Variants in SLC71A1 observed in about 807,000 individuals in gnomAD.
SLC71A1 encodes solute carrier family 71 member 1, also known as hippocampus abundant gene transcript 1.
the SLC71A1 span, chr1:100,061,989 AATGCCTTGTTTTTAAGATAAATATTATT>A: frequency 8.5e-7 from 1 of 1,171,092 alleles, no homozygotes; most frequent in African/African-American, 1.5e-5. Context: ...TCTGCTGAGA[AATGCCTTGTTTTTAAGATAAATATTATT>A]ATAAGGAGTG....
the SLC71A1 span, among the ~76,000 whole-genome samples, chr1:100,054,511 G>A: frequency 6.6e-6 from 1 of 151,698 alleles, no homozygotes; most frequent in Non-Finnish European, 1.5e-5. Flanking sequence ...GTTCCTGGCC[G>A]GCTTTACCCT....
the SLC71A1 span, among the ~76,000 whole-genome samples, chr1:100,068,939 C>T: frequency 6.6e-6 from 1 of 152,034 alleles, no homozygotes. Context: ...GCCAAGATTG[C>T]GCCATTCACT....
the SLC71A1 span, among the ~76,000 whole-genome samples, chr1:100,063,769 A>T: frequency 2.6e-5 from 4 of 152,152 alleles, no homozygotes; most frequent in Admixed American, 2.6e-4. Context: ...GCGCTCCAAC[A>T]TGAGCCACAG....
the SLC71A1 span, among the ~76,000 whole-genome samples, chr1:100,049,240 T>C: frequency 1.3e-5 from 2 of 152,192 alleles, no homozygotes; most frequent in African/African-American, 2.4e-5. Flanking sequence ...CCAAATCTCT[T>C]ACATACTTTC....
chr1:100,058,808 T>C, the SLC71A1 span: 5 of 683,406 alleles, frequency 7.3e-6, no homozygotes, highest in East Asian at 1.1e-4. Context: ...CATAAATACA[T>C]ATATATAACT....
the SLC71A1 span, among the ~76,000 whole-genome samples, chr1:100,048,106 C>G: frequency 6.6e-6 from 1 of 151,924 alleles, no homozygotes; most frequent in Non-Finnish European, 1.5e-5. Context: ...GAAGTTGTAC[C>G]AAGCTTTCTG....
chr1:100,075,710 T>C, the SLC71A1 span, among the ~76,000 whole-genome samples: 2 of 152,100 alleles, frequency 1.3e-5, no homozygotes, highest in Admixed American at 6.6e-5. Flanking sequence ...CTTGAGATGG[T>C]CTCTGTCACC....
chr1:100,057,366 T>A, the SLC71A1 span, among the ~76,000 whole-genome samples: 1 of 151,576 alleles, frequency 6.6e-6, no homozygotes, highest in Admixed American at 6.6e-5. Flanking sequence ...TCTTTTTTTT[T>A]TTTTTTAAGA....
At chr1:100,078,489 G>C in the SLC71A1 span, 1 of 1,613,686 alleles carries the variant, frequency 6.2e-7, no homozygotes, top group Non-Finnish European at 8.5e-7. Context: ...GCCATGTCTA[G>C]CATCACCTTT....
the SLC71A1 span, chr1:100,077,250 C>T: frequency 6.4e-7 from 1 of 1,573,406 alleles, no homozygotes; most frequent in Admixed American, 1.7e-5. Context: ...TTACAGTTGG[C>T]ATGGTATGGC....
the SLC71A1 span, among the ~76,000 whole-genome samples, chr1:100,076,062 A>G: frequency 6.6e-6 from 1 of 152,188 alleles, no homozygotes; most frequent in Non-Finnish European, 1.5e-5. Context: ...GCCGAAGAAT[A>G]TAATTCTACA....
At chr1:100,059,144 GTTT>G in the SLC71A1 span, among the ~76,000 whole-genome samples, 21 of 75,420 alleles carry the variant, frequency 2.8e-4, no homozygotes, top group African/African-American at 1.0e-3. Context: ...TCTTTTTCGT[GTTT>G]TTTTTTTTTT....
At chr1:100,069,081 A>T in the SLC71A1 span, among the ~76,000 whole-genome samples, 1 of 152,168 alleles carries the variant, frequency 6.6e-6, no homozygotes, top group Non-Finnish European at 1.5e-5. Flanking sequence ...TGCATTTCTA[A>T]TGGGGGTTAT....
the SLC71A1 span, chr1:100,061,693 A>T: frequency 1.1e-5 from 7 of 630,282 alleles, no homozygotes; most frequent in South Asian, 2.0e-5. Flanking sequence ...GCTTATATTT[A>T]TGGAATAGTT....
the SLC71A1 span, among the ~76,000 whole-genome samples, chr1:100,066,077 C>T: frequency 6.6e-6 from 1 of 152,142 alleles, no homozygotes; most frequent in Non-Finnish European, 1.5e-5. Context: ...TTGCTCTACT[C>T]GTGTCCTTTT....
the SLC71A1 span, among the ~76,000 whole-genome samples, chr1:100,061,238 T>C: frequency 1.3e-5 from 2 of 152,238 alleles, no homozygotes; most frequent in Non-Finnish European, 2.9e-5. Context: ...TATAGCAAAA[T>C]ATAGTTTACT....
the SLC71A1 span, among the ~76,000 whole-genome samples, chr1:100,048,885 TG>T: frequency 1.3e-5 from 2 of 152,180 alleles, no homozygotes; most frequent in Admixed American, 6.5e-5. Context: ...CTGAGCCTCG[TG>T]GGGGGAAGTG....
the SLC71A1 span, among the ~76,000 whole-genome samples, chr1:100,054,842 T>C: frequency 2.2e-3 from 339 of 152,336 alleles, 4 homozygotes; most frequent in African/African-American, 7.9e-3. Context: ...TTACTTGTTA[T>C]ATTTGTCTGT....
At chr1:100,050,423 T>C in the SLC71A1 span, among the ~76,000 whole-genome samples, 1 of 152,196 alleles carries the variant, frequency 6.6e-6, no homozygotes, top group Non-Finnish European at 1.5e-5. Context: ...TATTCTTTAA[T>C]AGATCTAAGC....
Sources: gnomAD v4.1 joint callset for allele counts (sites outside exome capture counted in the v4.1 genomes callset) on GRCh38, gnomAD v4.1.1 for gene constraint, MANE v1.5 for transcripts, NCBI Gene and HGNC (gene_info 2026-07-23, HGNC 2026-07-21) for gene names.